MIGA2: variants seen among roughly 807,000 people sequenced by gnomAD.
MIGA2 encodes the protein mitoguardin 2.
Under a neutral mutation model 69.9 loss-of-function variants are expected in MIGA2, and 36 were observed. The ratio of observed to expected loss-of-function variants is 0.52; its 90% CI spans 0.39 to 0.68. The LOEUF (loss-of-function observed/expected upper bound fraction) is 0.68, where lower values mean the gene tolerates loss of function less well. Ranked by LOEUF, MIGA2 falls within the 30% of genes least tolerant of loss-of-function variation. MIGA2 has a pLI of 0.00. For missense variants in MIGA2, 660 were observed against 787.7 expected, an observed-to-expected ratio of 0.84 and a Z score of 1.94; for synonymous variants, 333 against 349.2, an observed-to-expected ratio of 0.95 and a Z score of 0.52.
In MIGA2 at chr9:129,055,677, G is replaced by A. The variant is rs369167496; in HGVS notation, c.676-3477G>A. ...ATCCTGGCTAACACAGTGAAACCCC[G>A]TCTCTACTAAAAATACAAAAAATTA... On this transcript the variant is annotated intron_variant, in intron 6 of 15. Coordinates refer to ENST00000684074, the MANE Select transcript of MIGA2 (RefSeq NM_001329990.2). 1.6e-3 allele frequency among the ~76,000 whole-genome samples: 246 copies of A among 152,028 alleles called. 2 individuals carry two copies. The East Asian group carries it at 0.022, about 13-fold the overall frequency.
chr9:129,070,293 T>C lies in MIGA2; in HGVS notation c.1622T>C (p.Val541Ala). 2 of 1,613,156 alleles carry C rather than the reference T, an allele frequency of 1.2e-6. No homozygotes were observed. Among genetic ancestry groups the C allele is most frequent in the Non-Finnish European group, 1.7e-6 (2 of 1,180,006 alleles). Reference sequence around the variant, plus strand: ...AGGGACATGTTCGACCTGGACAATGTGCGCTACACGTCACTGCCCGCGCTG... The same window carrying C: ...AGGGACATGTTCGACCTGGACAATGCGCGCTACACGTCACTGCCCGCGCTG... ...YLRDMFDLDNVRYTSLPALAD... is the reference protein window; with the variant it reads ...YLRDMFDLDNARYTSLPALAD... Residue 541 changes from valine to alanine, a missense_variant, in exon 16 of 16, where the codon GTG (valine) becomes GCG (alanine). By Grantham distance (64) the Val-to-Ala change is moderately conservative. Around this residue, in one of 3 missense-constraint regions of MIGA2, gnomAD observed 220 missense variants for 301.7 expected, o/e 0.73. Transcript: ENST00000684074.
At chr9:129,065,671 G>A (rs1224164346) in intron 11 of MIGA2, among the ~76,000 whole-genome samples, 2 of 152,106 alleles carry the variant, frequency 1.3e-5, no homozygotes, top group Admixed American at 6.6e-5. Flanking sequence ...TTTAATGAAA[G>A]ACAACGCCTG....
rs139730010 is a variant in MIGA2, at chr9:129,063,580, C to A, written c.1119C>A (p.Phe373Leu). 2.9e-6 allele frequency: 4 copies of A among 1,390,362 alleles called. No individual in the cohort carries two copies. The highest frequency in any genetic ancestry group is 3.8e-6 in the Non-Finnish European group (4 of 1,045,730). 86.1% of individuals were successfully genotyped at this position (1,390,362 alleles called of 1,614,324 possible). ...AAGACAAGAGTAACCAGCTTTTCTT[C>A]GGGAAAGTGGGCCGACAGATGGTGA... ...LLEDKSNQLF[F>L]GKVGRQMVTG... The change falls in exon 11 of 16, where the codon TTC (phenylalanine) becomes TTA (leucine). Residue 373 changes from phenylalanine (F) to leucine (L), a missense_variant. Phe to Leu is a conservative substitution (Grantham distance 22, BLOSUM62 0). Coordinates refer to ENST00000684074, the MANE Select transcript of MIGA2 (RefSeq NM_001329990.2).
At position 129,068,091 on chromosome 9, in the gene MIGA2, C is replaced by G; in HGVS notation, c.1270-107C>G. On this transcript the variant is annotated intron_variant, in intron 12 of 15. Coordinates refer to ENST00000684074, the MANE Select transcript of MIGA2 (RefSeq NM_001329990.2). This position sits in a 1 kb window ranked among gnomAD's most constrained non-coding sequence, Gnocchi z 4.1. The stretch of plus-strand genomic sequence containing the variant: ...GAGCGGGAAAGACGTGTCCCCCCCA[C>G]GTGTGCTCATGCCCTGGACCCCAGC... 1 of 1,489,492 alleles carries G rather than the reference C, an allele frequency of 6.7e-7. No homozygotes were observed. Among genetic ancestry groups the G allele is most frequent in the Non-Finnish European group, 9.4e-7 (1 of 1,069,064 alleles). The allele number at this position is 1,489,492 out of a possible 1,614,324, so 92.3% of individuals were successfully genotyped here. A position where few individuals can be genotyped will look rare whatever the true frequency, so the allele number is the denominator to read the frequency against.
In MIGA2 at chr9:129,063,329, T is replaced by TG; in HGVS notation, c.1083+18dup. 6.2e-7 allele frequency: 1 copy of TG among 1,613,420 alleles called. No individual in the cohort carries two copies. The highest frequency in any genetic ancestry group is 8.5e-7 in the Non-Finnish European group (1 of 1,179,786). ...GCAGGCCTTCGAGGTGGGTGTGGCCTGGGGGTTCCTCGGGGGTGGGAGGCA... is the reference window on the plus strand; with the variant it reads ...GCAGGCCTTCGAGGTGGGTGTGGCCTGGGGGGTTCCTCGGGGGTGGGAGGCA... On this transcript the variant is annotated intron_variant, in intron 10 of 15. Transcript: ENST00000684074.
Position 129,068,105 on chromosome 9 carries a change from C to T in MIGA2, c.1270-93C>T. On this transcript the variant is annotated intron_variant, in intron 12 of 15. Transcript: ENST00000684074. The surrounding 1 kb of genome is among the most constrained non-coding windows in gnomAD (Gnocchi z 4.1). ...TGTCCCCCCCACGTGTGCTCATGCCCTGGACCCCAGCTTCAGTCTCCCCAT... is the reference window on the plus strand; with the variant it reads ...TGTCCCCCCCACGTGTGCTCATGCCTTGGACCCCAGCTTCAGTCTCCCCAT... The T allele has an allele frequency of 6.3e-7, 1 of 1,575,262 alleles. No homozygotes were observed.
At chr9:129,048,403 C>A in intron 3 of MIGA2, 24 bp from the exon 4 acceptor site, 2 of 1,592,436 alleles carry the variant, frequency 1.3e-6, no homozygotes, top group Non-Finnish European at 1.7e-6. Context: ...GCCTGTGTGA[C>A]GCCTGCCCTT....
intron 6 of MIGA2, among the ~76,000 whole-genome samples, chr9:129,052,061 C>T (rs865952586): frequency 3.0e-4 from 45 of 152,114 alleles, no homozygotes; most frequent in Middle Eastern, 3.4e-3. Flanking sequence ...CTCCTGACCT[C>T]GTGATCCGCC....
intron 11 of MIGA2, among the ~76,000 whole-genome samples, chr9:129,064,845 C>T (rs1315175408): frequency 4.0e-5 from 6 of 150,876 alleles, no homozygotes; most frequent in South Asian, 2.1e-4. Context: ...TGCAATGTCA[C>T]GATCTCCGCT....
chr9:129,051,736 A>G (rs1446629716), intron 6 of MIGA2, among the ~76,000 whole-genome samples: 1 of 150,264 alleles, frequency 6.7e-6, no homozygotes, highest in Non-Finnish European at 1.5e-5. Flanking sequence ...AGCTGGGACT[A>G]CAGGTGCCTG....
chr9:129,043,374 T>A (rs1038129362), intron 3 of MIGA2, among the ~76,000 whole-genome samples: 2 of 151,162 alleles, frequency 1.3e-5, no homozygotes, highest in Non-Finnish European at 1.5e-5. Flanking sequence ...TCACACTCCT[T>A]CTGTTCTCTC....
chr9:129,050,998 C>G (rs879260515), intron 6 of MIGA2, among the ~76,000 whole-genome samples: 1 of 151,772 alleles, frequency 6.6e-6, no homozygotes, highest in Non-Finnish European at 1.5e-5. Flanking sequence ...CTCAGCCTCC[C>G]AAGTAGCTGG....
chr9:129,052,597 CA>C (rs1318651575), intron 6 of MIGA2, among the ~76,000 whole-genome samples: 7 of 152,104 alleles, frequency 4.6e-5, no homozygotes, highest in African/African-American at 1.7e-4. Context: ...CCACTTTTGG[CA>C]GCGGAGGTAG....
intron 2 of MIGA2, among the ~76,000 whole-genome samples, chr9:129,040,977 G>A (rs1000718642): frequency 2.0e-5 from 3 of 151,902 alleles, no homozygotes; most frequent in Non-Finnish European, 4.4e-5. Context: ...GATCACCTGA[G>A]GTCAGGAGTT....
chr9:129,061,468 C>A lies in MIGA2; in HGVS notation c.1010+122C>A. On this transcript the variant is annotated intron_variant, in intron 9 of 15. Transcript: ENST00000684074. This position sits in a 1 kb window ranked among gnomAD's most constrained non-coding sequence, Gnocchi z 5.0. ...CTTAGCCTGAGTGAGTCCAGGCTGC[C>A]TGAGGGCCGTGGTGAGCTGGTGACA... The A allele has an allele frequency of 2.4e-6, 2 of 844,604 alleles. No homozygotes were observed. The highest frequency in any genetic ancestry group is 2.7e-5 in the East Asian group (1 of 37,456). The allele number at this position is 844,604 out of a possible 1,614,324, so 52.3% of individuals were successfully genotyped here.
Position 129,070,673 on chromosome 9 carries a change from TGA to T in MIGA2, c.*226_*227del, listed in dbSNP as rs1301683200. ...TGGGGCCTGTGGGAGAGAAAGGCTG[TGA>T]GAGAGGGGGTTGTTGTGGAGAATTG... is the stretch of plus-strand genomic sequence containing the variant. On this transcript the variant is annotated 3_prime_UTR_variant, in exon 16 of 16. Transcript: ENST00000684074. 1.8e-5 allele frequency: 10 copies of T among 561,480 alleles called. No individual in the cohort carries two copies. Among genetic ancestry groups the T allele is most frequent in the South Asian group, 2.7e-5 (1 of 37,036 alleles). The allele number at this position is 561,480 out of a possible 1,614,324, so 34.8% of individuals were successfully genotyped here.
rs776774830 is a variant in MIGA2, at chr9:129,068,400, C to T, written c.1404+68C>T. On this transcript the variant is annotated intron_variant, in intron 13 of 15. Transcript: ENST00000684074. The surrounding 1 kb of genome is among the most constrained non-coding windows in gnomAD (Gnocchi z 4.1). ...AGCCCGTGTGGTTGCCTGGCTCCGT[C>T]CCCTCTGTCCCTAGCACTGGCACCA... 11 of 1,582,776 alleles carry T rather than the reference C, an allele frequency of 6.9e-6. 1 individual carries two copies. The South Asian group carries it at 9.0e-5, about 13-fold the overall frequency.
At chr9:129,050,013 A>C (rs1845436966) in intron 6 of MIGA2, 50 bp downstream of exon 6, 1 of 1,574,428 alleles carries the variant, frequency 6.4e-7, no homozygotes, top group African/African-American at 1.4e-5. Flanking sequence ...AGTTGGCAGC[A>C]CAGGAGAGGG....
intron 5 of MIGA2, 75 bp downstream of exon 5, chr9:129,049,573 G>C (rs1452969487): frequency 2.0e-6 from 3 of 1,478,848 alleles, no homozygotes; most frequent in Non-Finnish European, 1.9e-6. Flanking sequence ...AGCTTGGCCA[G>C]TCTTGGGTCA....
Sources: allele counts gnomAD v4.1 joint callset (sites outside exome capture counted in the v4.1 genomes callset), GRCh38; gene constraint gnomAD v4.1.1; regional missense constraint gnomAD v4.1.1; non-coding constraint Gnocchi (gnomAD v3.1); transcripts MANE v1.5; gene names NCBI Gene and HGNC (gene_info 2026-07-23, HGNC 2026-07-21).